ITSN2: variants seen among roughly 807,000 people sequenced by gnomAD.
ITSN2 encodes the protein intersectin 2.
ITSN2 carries 156 observed loss-of-function variants against 243.7 expected under a neutral mutation model. The observed-to-expected ratio is 0.64, with a 90% CI of 0.56 to 0.73. The LOEUF is 0.73. ITSN2 is among the 30% of genes least tolerant of loss of function. ITSN2 has a pLI of 0.00. For missense variants in ITSN2, 1,801 were observed against 1,996.1 expected (o/e 0.90, Z 1.86); for synonymous variants, 703 against 699.9 (o/e 1.00, Z -0.07).
chr2:24,286,351 T>C lies in ITSN2; in HGVS notation c.1724A>G (p.Asp575Gly). Residue 575 changes from aspartate (D) to glycine (G), a missense_variant and splice_region_variant, in exon 16 of 40, where the codon GAT becomes GGT. By Grantham distance (94) the Asp-to-Gly change is moderately conservative. This residue lies in a region of ITSN2 where 787 missense variants were observed against 803.9 expected (regional missense o/e 0.98). Coordinates refer to ENST00000355123, the MANE Select transcript of ITSN2 (RefSeq NM_006277.3). ...IKNMQFSNTP[D>G]SGVSLLHKKS... Reference sequence around the variant, plus strand: ...TTTATGAAGTAAACTGACCCCTGAATCTGAAAAACAAACATCAGACAGTTT... The same window carrying C: ...TTTATGAAGTAAACTGACCCCTGAACCTGAAAAACAAACATCAGACAGTTT... 1 of 1,610,074 alleles carries C rather than the reference T, an allele frequency of 6.2e-7. No individual in the cohort carries two copies. The highest frequency in any genetic ancestry group is 1.1e-5 in the South Asian group (1 of 90,382).
chr2:24,327,936 C>T (rs952250696), intron 2 of ITSN2, 116 bp downstream of exon 2: 4 of 876,520 alleles, frequency 4.6e-6, no homozygotes, highest in Non-Finnish European at 7.1e-6. Context: ...TCCAAGAATA[C>T]TTCAAGTTTT....
intron 16 of ITSN2, 114 bp from the exon 17 acceptor site, chr2:24,284,957 C>G: frequency 1.3e-5 from 7 of 553,448 alleles, no homozygotes; most frequent in Non-Finnish European, 2.2e-5. Context: ...ACTGCAGTGG[C>G]GCAATCTCAG....
chr2:24,244,615 A>T (rs1289092155), intron 29 of ITSN2, among the ~76,000 whole-genome samples: 1 of 152,206 alleles, frequency 6.6e-6, no homozygotes, highest in Non-Finnish European at 1.5e-5. Context: ...TCTCAACACC[A>T]AGAAAGATGC....
chr2:24,245,317 C>A (rs764224803), intron 29 of ITSN2, among the ~76,000 whole-genome samples: 3 of 152,132 alleles, frequency 2.0e-5, no homozygotes, highest in Non-Finnish European at 1.5e-5. Context: ...AAAGAATCAC[C>A]TGACAAGAAT....
chr2:24,324,194 T>C (rs2151819814), intron 2 of ITSN2, among the ~76,000 whole-genome samples: 1 of 152,276 alleles, frequency 6.6e-6, no homozygotes, highest in South Asian at 2.1e-4. Flanking sequence ...ATCATGCCAC[T>C]GCACTCCAGC....
chr2:24,334,830 G>A (rs185970575), intron 1 of ITSN2: 14,857 of 847,804 alleles, frequency 0.018, 191 homozygotes, highest in Non-Finnish European at 0.024. Flanking sequence ...TTGGGAGGCC[G>A]AGGCGGGCGG....
chr2:24,297,303 C>T (rs1481796694), intron 13 of ITSN2, among the ~76,000 whole-genome samples: 1 of 151,970 alleles, frequency 6.6e-6, no homozygotes, highest in East Asian at 1.9e-4. Flanking sequence ...TTTGTAAAAC[C>T]CTACTATATG....
At chr2:24,282,033 G>T (rs1379733209) in intron 17 of ITSN2, among the ~76,000 whole-genome samples, 1 of 152,220 alleles carries the variant, frequency 6.6e-6, no homozygotes, top group Non-Finnish European at 1.5e-5. Context: ...TCCCTGGCTA[G>T]GGCTTCAGCC....
chr2:24,213,780 T>G (rs1212599921), intron 32 of ITSN2, among the ~76,000 whole-genome samples: 1 of 152,232 alleles, frequency 6.6e-6, no homozygotes. Flanking sequence ...GATGAATGTT[T>G]AATTCTATGG....
chr2:24,284,163 A>G (rs1679175523), intron 17 of ITSN2, among the ~76,000 whole-genome samples: 1 of 152,208 alleles, frequency 6.6e-6, no homozygotes, highest in African/African-American at 2.4e-5. Flanking sequence ...CTATTAAAAT[A>G]TTTTTAATAA....
At chr2:24,234,570 G>A (rs1489657786) in intron 29 of ITSN2, among the ~76,000 whole-genome samples, 1 of 151,980 alleles carries the variant, frequency 6.6e-6, no homozygotes, top group African/African-American at 2.4e-5. Flanking sequence ...ACAAGGCACA[G>A]ACTGAAAAAA....
intron 1 of ITSN2, among the ~76,000 whole-genome samples, chr2:24,348,190 A>ATT (rs67272042): frequency 1.0e-5 from 1 of 97,780 alleles, no homozygotes; most frequent in African/African-American, 3.7e-5. Context: ...AAATACTATG[A>ATT]TTTTTTTTTT....
intron 31 of ITSN2, among the ~76,000 whole-genome samples, chr2:24,216,631 G>A (rs541089385): frequency 6.6e-6 from 1 of 152,256 alleles, no homozygotes; most frequent in Non-Finnish European, 1.5e-5. Context: ...GTGCACGCCT[G>A]TAGTTCCAGC....
At chr2:24,247,140 T>G (rs1558480077) in intron 27 of ITSN2, among the ~76,000 whole-genome samples, 1 of 152,186 alleles carries the variant, frequency 6.6e-6, no homozygotes, top group Non-Finnish European at 1.5e-5. Flanking sequence ...TGTGATGTGC[T>G]TTGGGTCATG....
Position 24,282,153 on chromosome 2 carries a change from C to T in ITSN2, c.1944+2610G>A, listed in dbSNP as rs554019854. The stretch of plus-strand genomic sequence containing the variant: ...CTGCCACGCCACCATCCTGTGCCTA[C>T]AAAAACCCGAGATCCTAAAAAGGCA... On this transcript the variant is annotated intron_variant, in intron 17 of 39. Transcript: ENST00000355123. 1.6e-4 allele frequency among the ~76,000 whole-genome samples: 24 copies of T among 152,326 alleles called. No individual in the cohort carries two copies. The East Asian group carries it at 4.4e-3, about 28-fold the overall frequency.
At chr2:24,232,070 C>T (rs753939801) in intron 29 of ITSN2, among the ~76,000 whole-genome samples, 1 of 152,070 alleles carries the variant, frequency 6.6e-6, no homozygotes, top group African/African-American at 2.4e-5. Flanking sequence ...TATTGAGTAC[C>T]GGGTAGCATG....
chr2:24,287,533 T>G (rs762970182), intron 15 of ITSN2, among the ~76,000 whole-genome samples: 3 of 147,412 alleles, frequency 2.0e-5, no homozygotes, highest in Non-Finnish European at 4.6e-5. Flanking sequence ...AGACAGTAAT[T>G]TTGTTTCCTT....
chr2:24,220,893 C>G (rs1670379490), intron 30 of ITSN2, 52 bp downstream of exon 30: 1 of 1,544,862 alleles, frequency 6.5e-7, no homozygotes, highest in Non-Finnish European at 8.7e-7. Context: ...CCCACCATCT[C>G]TCATGAGAGA....
intron 37 of ITSN2, 35 bp from the exon 38 acceptor site, chr2:24,205,332 T>A (rs1346111093): frequency 2.6e-6 from 4 of 1,558,664 alleles, no homozygotes; most frequent in Non-Finnish European, 3.5e-6. Context: ...ATTAATCTCT[T>A]CTCCAAGGAT....
Sources: allele counts gnomAD v4.1 joint callset (sites outside exome capture counted in the v4.1 genomes callset), GRCh38; gene constraint gnomAD v4.1.1; regional missense constraint gnomAD v4.1.1; transcripts MANE v1.5; gene names NCBI Gene and HGNC (gene_info 2026-07-23, HGNC 2026-07-21).